Variants in METAP2 observed in about 807,000 individuals in gnomAD.
METAP2 encodes methionine aminopeptidase 2.
METAP2 carries 25 observed loss-of-function variants against 59.4 expected under a neutral mutation model. The ratio of observed to expected loss-of-function variants is 0.42; its 90% CI spans 0.31 to 0.59. The LOEUF (loss-of-function observed/expected upper bound fraction) is 0.59, where lower values mean the gene tolerates loss of function less well. METAP2 is among the 20% of genes least tolerant of loss of function. The pLI is 0.16. For missense variants in METAP2, 366 were observed against 581.2 expected, an observed-to-expected ratio of 0.63 and a Z score of 3.81; for synonymous variants, 214 against 194.1, an observed-to-expected ratio of 1.10 and a Z score of -0.85.
At chr12:95,483,926 A>G (rs907967221) in intron 3 of METAP2, among the ~76,000 whole-genome samples, 1 of 152,146 alleles carries the variant, frequency 6.6e-6, no homozygotes, top group African/African-American at 2.4e-5. Flanking sequence ...TTTATTATTA[A>G]TAATAACTTT....
At chr12:95,495,261 A>AAGC in intron 6 of METAP2, 123 bp downstream of exon 6, 1 of 804,550 alleles carries the variant, frequency 1.2e-6, no homozygotes, top group Non-Finnish European at 1.9e-6. Flanking sequence ...TTTCATTAGG[A>AAGC]AAGGTGTGTT....
At chr12:95,492,608 C>T (rs1259724416) in intron 4 of METAP2, among the ~76,000 whole-genome samples, 1 of 150,838 alleles carries the variant, frequency 6.6e-6, no homozygotes, top group African/African-American at 2.4e-5. Flanking sequence ...GTCTGTTGCC[C>T]AGGCTGGGGT....
chr12:95,486,062 C>G (rs1219830425), intron 4 of METAP2, 81 bp downstream of exon 4: 3 of 945,930 alleles, frequency 3.2e-6, no homozygotes. Flanking sequence ...TTTCTCAGAA[C>G]TTTGCTCCAC....
At position 95,514,951 on chromosome 12, in the gene METAP2, A is replaced by C. The variant is rs1256581349; in HGVS notation, c.*1047A>C. 6.6e-6 allele frequency: 1 copy of C among 152,596 alleles called. No individual in the cohort carries two copies. The highest frequency in any genetic ancestry group is 1.5e-5 in the Non-Finnish European group (1 of 68,046). The allele number at this position is 152,596 out of a possible 1,614,324, so 9.5% of individuals were successfully genotyped here. ...TACAGTTACTTTCCTTATAGCGGCT[A>C]AGTGTATTAAGTTGAATGTAACGAT... On this transcript the variant is annotated 3_prime_UTR_variant, in exon 11 of 11. Transcript: ENST00000323666.
In METAP2 at chr12:95,514,870, C is replaced by T. The variant is rs202158971; in HGVS notation, c.*966C>T. The T allele has an allele frequency of 2.0e-5, 3 of 151,392 alleles. No individual in the cohort carries two copies. In the East Asian group the frequency reaches 5.8e-4, roughly 29 times the overall value. The allele number at this position is 151,392 out of a possible 1,614,324, so 9.4% of individuals were successfully genotyped here. Reference sequence around the variant, plus strand: ...CATGAGGCAAATGCTGTAATACCTTCCCCTTTGACAGGTTTGGATTCTTAA... The same window carrying T: ...CATGAGGCAAATGCTGTAATACCTTTCCCTTTGACAGGTTTGGATTCTTAA... On this transcript the variant is annotated 3_prime_UTR_variant, in exon 11 of 11. Coordinates refer to ENST00000323666, the MANE Select transcript of METAP2 (RefSeq NM_006838.4).
intron 8 of METAP2, among the ~76,000 whole-genome samples, chr12:95,505,379 A>G (rs67014103): frequency 0.087 from 13,235 of 152,170 alleles, 815 homozygotes; most frequent in African/African-American, 0.17. Context: ...TCAGGCTGGG[A>G]TGCAATGATG....
At chr12:95,490,566 A>ATTTTTTTTTTTTTTTTTTTTTTTTTTT (rs67031623) in intron 4 of METAP2, among the ~76,000 whole-genome samples, 2 of 102,824 alleles carry the variant, frequency 1.9e-5, no homozygotes, top group Non-Finnish European at 3.8e-5. Flanking sequence ...TGAAGCCTGT[A>ATTTTTTTTTTTTTTTTTTTTTTTTTTT]TTTTTTTTTT....
At chr12:95,475,372 G>A (rs989791233) in intron 1 of METAP2, among the ~76,000 whole-genome samples, 1 of 152,140 alleles carries the variant, frequency 6.6e-6, no homozygotes, top group Non-Finnish European at 1.5e-5. Context: ...GCTGTTCCTG[G>A]ATTTCGAGTG....
intron 7 of METAP2, among the ~76,000 whole-genome samples, chr12:95,497,624 CTT>C (rs964982567): frequency 3.2e-4 from 49 of 152,244 alleles, no homozygotes; most frequent in African/African-American, 1.2e-3. Flanking sequence ...GTAATTATAT[CTT>C]TTTAAACTTT....
chr12:95,480,106 G>A (rs1430653153), intron 2 of METAP2, among the ~76,000 whole-genome samples: 1 of 152,144 alleles, frequency 6.6e-6, no homozygotes, highest in African/African-American at 2.4e-5. Flanking sequence ...TCTGACCCTA[G>A]TTTTGGCCTT....
chr12:95,504,528 G>A (rs1027136513), intron 8 of METAP2, among the ~76,000 whole-genome samples: 9 of 152,116 alleles, frequency 5.9e-5, no homozygotes, highest in Non-Finnish European at 1.3e-4. Context: ...ACAGGGTCTC[G>A]TTCCGTCATC....
At position 95,514,946 on chromosome 12, in the gene METAP2, C is replaced by T. The variant is rs970092645; in HGVS notation, c.*1042C>T. 1 of 152,454 alleles carries T rather than the reference C, an allele frequency of 6.6e-6. No homozygotes were observed. Among genetic ancestry groups the T allele is most frequent in the Admixed American group, 6.6e-5 (1 of 15,250 alleles). 9.4% of individuals were successfully genotyped at this position (152,454 alleles called of 1,614,324 possible). On this transcript the variant is annotated 3_prime_UTR_variant, in exon 11 of 11. Coordinates refer to ENST00000323666, the MANE Select transcript of METAP2 (RefSeq NM_006838.4). The stretch of plus-strand genomic sequence containing the variant: ...GACGTTACAGTTACTTTCCTTATAG[C>T]GGCTAAGTGTATTAAGTTGAATGTA...
chr12:95,479,495 G>C (rs2076143375), intron 2 of METAP2, among the ~76,000 whole-genome samples: 2 of 152,296 alleles, frequency 1.3e-5, no homozygotes, highest in South Asian at 4.1e-4. Flanking sequence ...GGAAACTGTG[G>C]TATTGGTATA....
chr12:95,474,308 G>A lies in METAP2; in HGVS notation c.129G>A (p.Lys43=). 6.2e-7 allele frequency: 1 copy of A among 1,614,174 alleles called. No homozygotes were observed. The highest frequency in any genetic ancestry group is 8.5e-7 in the Non-Finnish European group (1 of 1,180,016). The change falls in exon 1 of 11, where the codon AAG becomes AAA. Residue 43 remains lysine (K), a synonymous_variant. Transcript: ENST00000323666. The part of the protein sequence containing the change: ...EAAKKKRRKK[K]KSKGPSAAGE... ...CCAAGAAAAAAAGACGAAAGAAGAA[G>A]AAGAGCAAAGGGCCTTCTGCAGGTA...
At chr12:95,492,148 G>GTGTGTA (rs2076242796) in intron 4 of METAP2, among the ~76,000 whole-genome samples, 4 of 151,718 alleles carry the variant, frequency 2.6e-5, no homozygotes, top group Admixed American at 2.6e-4. Context: ...GTGTGTGTGT[G>GTGTGTA]TGTGTGTATG....
intron 8 of METAP2, among the ~76,000 whole-genome samples, chr12:95,507,358 C>T (rs2076369053): frequency 6.6e-6 from 1 of 152,234 alleles, no homozygotes; most frequent in African/African-American, 2.4e-5. Context: ...TCAGGCTCTT[C>T]CAAATCGCTC....
intron 1 of METAP2, among the ~76,000 whole-genome samples, chr12:95,475,186 T>C (rs2076109150): frequency 6.6e-6 from 1 of 152,218 alleles, no homozygotes; most frequent in Admixed American, 6.5e-5. Context: ...TTTACTTGTT[T>C]CTAATTAAAA....
intron 2 of METAP2, among the ~76,000 whole-genome samples, chr12:95,478,063 A>G (rs1294401992): frequency 6.6e-6 from 1 of 152,080 alleles, no homozygotes; most frequent in African/African-American, 2.4e-5. Flanking sequence ...TATGCCTGTA[A>G]TCCAGACAAG....
intron 8 of METAP2, among the ~76,000 whole-genome samples, chr12:95,506,486 A>T (rs2076361449): frequency 6.6e-6 from 1 of 151,750 alleles, no homozygotes; most frequent in Non-Finnish European, 1.5e-5. Flanking sequence ...TTTTTAGTAG[A>T]GACGGGGTTT....
Sources: allele counts gnomAD v4.1 joint callset (sites outside exome capture counted in the v4.1 genomes callset), GRCh38; gene constraint gnomAD v4.1.1; transcripts MANE v1.5; gene names NCBI Gene and HGNC (gene_info 2026-07-23, HGNC 2026-07-21).